TOB2: variants seen among roughly 807,000 people sequenced by gnomAD.
The protein encoded by TOB2 is transducer of ERBB2, 2, also known as protein Tob2.
TOB2 carries 3 observed loss-of-function variants against 17.3 expected under a neutral mutation model. That is an observed-to-expected ratio of 0.17 (90% CI 0.08 to 0.45). The LOEUF (loss-of-function observed/expected upper bound fraction) is 0.45, where lower values mean the gene tolerates loss of function less well. Among genes scored for constraint, TOB2 ranks in the 20% least tolerant of loss-of-function variants. TOB2 has a pLI of 0.99. For missense variants in TOB2, 407 were observed against 445.7 expected, an observed-to-expected ratio of 0.91 and a Z score of 0.78; for synonymous variants, 163 against 185.6, an observed-to-expected ratio of 0.88 and a Z score of 0.99.
intron 1 of TOB2, among the ~76,000 whole-genome samples, chr22:41,441,538 G>A (rs2037620898): frequency 6.6e-6 from 1 of 152,042 alleles, no homozygotes; most frequent in Non-Finnish European, 1.5e-5. Flanking sequence ...CAGCACTTCG[G>A]GAGGCCAAGG....
chr22:41,446,116 C>A (rs987542102), intron 1 of TOB2, among the ~76,000 whole-genome samples: 2 of 152,104 alleles, frequency 1.3e-5, no homozygotes, highest in African/African-American at 4.8e-5. Flanking sequence ...ATGCACCCCA[C>A]CCAGGAGAGG....
At chr22:41,439,802 C>A (rs2037593836) in intron 1 of TOB2, among the ~76,000 whole-genome samples, 1 of 152,064 alleles carries the variant, frequency 6.6e-6, no homozygotes, top group Non-Finnish European at 1.5e-5. Context: ...AGGCATGAGC[C>A]AACACACACG....
intron 1 of TOB2, among the ~76,000 whole-genome samples, chr22:41,441,207 C>T (rs1256212333): frequency 6.6e-6 from 1 of 151,236 alleles, no homozygotes; most frequent in African/African-American, 2.4e-5. Flanking sequence ...CCCAGCTACT[C>T]GGGAGGCTGA....
intron 1 of TOB2, among the ~76,000 whole-genome samples, chr22:41,444,403 T>C (rs106860): frequency 0.82 from 124,599 of 152,216 alleles, 52,063 homozygotes; most frequent in African/African-American, 0.95. Context: ...CCTCAGGAGC[T>C]AGGAAAACTC....
intron 1 of TOB2, among the ~76,000 whole-genome samples, 156 bp from the exon 2 acceptor site, chr22:41,437,563 C>T (rs1055176732): frequency 7.2e-5 from 11 of 152,268 alleles, no homozygotes; most frequent in Non-Finnish European, 1.2e-4. Context: ...CCCCAGTTTC[C>T]TCATTAGTAA....
At chr22:41,442,456 G>C (rs1409725624) in intron 1 of TOB2, among the ~76,000 whole-genome samples, 2 of 152,204 alleles carry the variant, frequency 1.3e-5, no homozygotes, top group Non-Finnish European at 2.9e-5. Context: ...ACTGTCATCA[G>C]CCCTGCCTAG....
chr22:41,438,788 G>T (rs1049593077), intron 1 of TOB2, among the ~76,000 whole-genome samples: 7 of 151,954 alleles, frequency 4.6e-5, no homozygotes, highest in Non-Finnish European at 8.8e-5. Context: ...AAAGGAGGGG[G>T]AATCTCTGTA....
At chr22:41,445,788 T>A (rs1252919222) in intron 1 of TOB2, among the ~76,000 whole-genome samples, 1 of 152,166 alleles carries the variant, frequency 6.6e-6, no homozygotes, top group African/African-American at 2.4e-5. Context: ...ATTAAAACAC[T>A]TAAGAGTATA....
At chr22:41,446,143 G>A (rs1420862724) in intron 1 of TOB2, among the ~76,000 whole-genome samples, 2 of 152,312 alleles carry the variant, frequency 1.3e-5, no homozygotes, top group African/African-American at 2.4e-5. Context: ...CTTGGAACTG[G>A]GAGAAAAAGG....
At chr22:41,438,584 C>T (rs570322366) in intron 1 of TOB2, among the ~76,000 whole-genome samples, 113 of 123,798 alleles carry the variant, frequency 9.1e-4, no homozygotes, top group Admixed American at 1.7e-3. Context: ...GAGCCGAGAT[C>T]GCACCATTGT....
intron 1 of TOB2, among the ~76,000 whole-genome samples, chr22:41,439,634 G>A (rs896223803): frequency 6.6e-6 from 1 of 151,998 alleles, no homozygotes; most frequent in Non-Finnish European, 1.5e-5. Flanking sequence ...TCGTGCCTTG[G>A]CCTCCTGAAT....
rs2037527142 is a variant in TOB2, at chr22:41,434,763, C to T, written c.*1548G>A. The T allele has an allele frequency of 6.6e-6, 1 of 152,574 alleles. No individual in the cohort carries two copies. 9.5% of individuals were successfully genotyped at this position (152,574 alleles called of 1,614,324 possible). ...TGACCCTGCTCCCTTGGCTCCTGTCCATGCTTGCCTGGCCTCCTAGAGTTG... is the reference window on the plus strand; with the variant it reads ...TGACCCTGCTCCCTTGGCTCCTGTCTATGCTTGCCTGGCCTCCTAGAGTTG... On this transcript the variant is annotated 3_prime_UTR_variant, in exon 2 of 2. Coordinates refer to ENST00000327492, the MANE Select transcript of TOB2 (RefSeq NM_016272.4).
Position 41,437,306 on chromosome 22 carries a change from AGAT to A in TOB2, c.37_39del (p.Ile13del). On this transcript the variant is annotated inframe_deletion, in exon 2 of 2. Transcript: ENST00000327492. ...CGGGGCAGCTTGTTGTACAAGTAGGAGATGATGAAGTTCAGGGCCACTTTGATC... is the reference window on the plus strand; with the variant it reads ...CGGGGCAGCTTGTTGTACAAGTAGGAGATGAAGTTCAGGGCCACTTTGATC... 1 of 1,613,938 alleles carries A rather than the reference AGAT, an allele frequency of 6.2e-7. No homozygotes were observed. Among genetic ancestry groups the A allele is most frequent in the South Asian group, 1.1e-5 (1 of 91,080 alleles).
In TOB2 at chr22:41,436,697, G is replaced by T. The variant is rs1269144418; in HGVS notation, c.649C>A (p.Pro217Thr). The T allele has an allele frequency of 5.8e-5, 94 of 1,613,366 alleles. No individual in the cohort carries two copies. Among genetic ancestry groups the T allele is most frequent in the Non-Finnish European group, 7.8e-5 (92 of 1,179,674 alleles). The change falls in exon 2 of 2, where the codon CCT becomes ACT. Residue 217 changes from proline (P) to threonine (T), a missense_variant. By Grantham distance (38) the Pro-to-Thr change is conservative. Coordinates refer to ENST00000327492, the MANE Select transcript of TOB2 (RefSeq NM_016272.4). The surrounding 1 kb of genome is among the most constrained non-coding windows in gnomAD (Gnocchi z 4.8). Reference sequence around the variant, plus strand: ...TTGGTGGGTGAGCGGGCCATGCGAGGCTGCTGTGGTGGCTGCTGGCCACCC... The same window carrying T: ...TTGGTGGGTGAGCGGGCCATGCGAGTCTGCTGTGGTGGCTGCTGGCCACCC... The part of the protein sequence containing the change: ...GAGGQQPPQQ[P>T]RMARSPTNSL...
Position 41,434,337 on chromosome 22 carries a change from G to C in TOB2, c.*1974C>G, listed in dbSNP as rs887288107. ...AAACAAGCCGACCTGGTGTGGGTGG[G>C]TGCCTGTGTGTGTGGATGGGAGGAG... On this transcript the variant is annotated 3_prime_UTR_variant, in exon 2 of 2. Coordinates refer to ENST00000327492, the MANE Select transcript of TOB2 (RefSeq NM_016272.4). 2.0e-5 allele frequency: 3 copies of C among 153,028 alleles called. No individual in the cohort carries two copies. The highest frequency in any genetic ancestry group is 7.2e-5 in the African/African-American group (3 of 41,454). The allele number at this position is 153,028 out of a possible 1,614,324, so 9.5% of individuals were successfully genotyped here.
intron 1 of TOB2, among the ~76,000 whole-genome samples, chr22:41,438,645 A>AAAAAAAAAAAT (rs1242544418): frequency 2.8e-5 from 4 of 142,792 alleles, no homozygotes; most frequent in Non-Finnish European, 6.1e-5. Context: ...AAAAAAAAAA[A>AAAAAAAAAAAT]AAAAAAAAAA....
rs1319438546 is a variant in TOB2 at position 41,435,251 on chromosome 22, CCA to C, written c.*1058_*1059del. 2 of 152,190 alleles carry C rather than the reference CCA, an allele frequency of 1.3e-5. No homozygotes were observed. The highest frequency in any genetic ancestry group is 2.4e-5 in the African/African-American group (1 of 41,426). 9.4% of individuals were successfully genotyped at this position (152,190 alleles called of 1,614,324 possible). On this transcript the variant is annotated 3_prime_UTR_variant, in exon 2 of 2. Coordinates refer to ENST00000327492, the MANE Select transcript of TOB2 (RefSeq NM_016272.4). ...GTCAAAAACAAAACTGCAGATCCTT[CCA>C]CAGTCTGCAAACCAGTTCCTTCTGC...
In TOB2 at chr22:41,437,126, G is replaced by A. The variant is rs568919168; in HGVS notation, c.220C>T (p.Arg74Trp). 1.2e-5 allele frequency: 19 copies of A among 1,614,118 alleles called. No homozygotes were observed. In the South Asian group the frequency reaches 1.8e-4, roughly 15 times the overall value. Reference sequence around the variant, plus strand: ...ACATCTTCCACCGCCAGGCCACTCCGCTTGGCGGCCAGCTCCACCACGGGG... The same window carrying A: ...ACATCTTCCACCGCCAGGCCACTCCACTTGGCGGCCAGCTCCACCACGGGG... ...VDPVVELAAK[R>W]SGLAVEDVRA... is the part of the protein sequence containing the mutation. The change falls in exon 2 of 2, where the codon CGG becomes TGG. Residue 74 changes from arginine to tryptophan, a missense_variant. Arg to Trp is a moderately radical substitution (Grantham distance 101). Transcript: ENST00000327492.
Position 41,436,130 on chromosome 22 carries a change from AAC to A in TOB2, c.*179_*180del, listed in dbSNP as rs2037543412. ...TGGGCGAGCGGTAAGGGGTGAGTGA[AAC>A]ACACTTGGGTGCTTTGCAGGGCCCT... On this transcript the variant is annotated 3_prime_UTR_variant, in exon 2 of 2. Transcript: ENST00000327492. The surrounding 1 kb of genome is among the most constrained non-coding windows in gnomAD (Gnocchi z 4.8). 1.4e-6 allele frequency: 1 copy of A among 693,570 alleles called. No individual in the cohort carries two copies. The highest frequency in any genetic ancestry group is 1.8e-5 in the African/African-American group (1 of 55,810). 43.0% of individuals were successfully genotyped at this position (693,570 alleles called of 1,614,324 possible).
Sources: allele counts gnomAD v4.1 joint callset (sites outside exome capture counted in the v4.1 genomes callset), GRCh38; gene constraint gnomAD v4.1.1; non-coding constraint Gnocchi (gnomAD v3.1); transcripts MANE v1.5; gene names NCBI Gene and HGNC (gene_info 2026-07-23, HGNC 2026-07-21).